Variants in MALRD1 observed in about 807,000 individuals in gnomAD.
MALRD1 encodes the protein MAM and LDL receptor class A domain containing 1, also known as MAM and LDL-receptor class A domain-containing protein 1.
Under a neutral mutation model 242.1 loss-of-function variants are expected in MALRD1, and 247 were observed. The observed-to-expected ratio is 1.02, with a 90% CI of 0.92 to 1.13. The LOEUF is 1.13. Ranked by LOEUF, MALRD1 falls within the 50% of genes most tolerant of loss-of-function variation. MALRD1 has a pLI of 0.00. For missense variants in MALRD1, 2,989 were observed against 2,533.1 expected, an observed-to-expected ratio of 1.18 and a Z score of -3.86; for synonymous variants, 995 against 866.6, an observed-to-expected ratio of 1.15 and a Z score of -2.60.
intron 32 of MALRD1, among the ~76,000 whole-genome samples, chr10:19,562,849 A>G (rs1420624421): frequency 1.3e-5 from 2 of 152,110 alleles, no homozygotes; most frequent in Admixed American, 1.3e-4. Flanking sequence ...TGTGCTCCTC[A>G]TGAGGATCTA....
chr10:19,324,427 C>G (rs975939792), intron 22 of MALRD1, among the ~76,000 whole-genome samples: 1 of 152,034 alleles, frequency 6.6e-6, no homozygotes, highest in East Asian at 1.9e-4. Flanking sequence ...AATATATACA[C>G]TTGGGTAATA....
chr10:19,078,751 G>C (rs527583388), intron 2 of MALRD1, among the ~76,000 whole-genome samples: 44 of 151,798 alleles, frequency 2.9e-4, no homozygotes, highest in Admixed American at 1.4e-3. Flanking sequence ...GGTAGTTTGT[G>C]TCTTTCTGGA....
intron 4 of MALRD1, among the ~76,000 whole-genome samples, chr10:19,101,743 TATATA>T (rs1229027896): frequency 7.3e-6 from 1 of 136,130 alleles, no homozygotes; most frequent in Non-Finnish European, 1.5e-5. Flanking sequence ...TTATATCACA[TATATA>T]ATATATATTA....
intron 22 of MALRD1, among the ~76,000 whole-genome samples, chr10:19,327,086 C>T (rs1009786641): frequency 6.6e-6 from 1 of 152,072 alleles, no homozygotes; most frequent in Non-Finnish European, 1.5e-5. Context: ...TAGATGCTCA[C>T]TCATCTTACC....
intron 12 of MALRD1, among the ~76,000 whole-genome samples, chr10:19,158,024 A>G (rs1292615114): frequency 2.6e-5 from 4 of 152,208 alleles, no homozygotes; most frequent in Non-Finnish European, 5.9e-5. Flanking sequence ...TTCAGCCACT[A>G]GTGGAAAATT....
In MALRD1 at chr10:19,352,261, T is replaced by A. The variant is rs1844418609; in HGVS notation, c.4405T>A (p.Ser1469Thr). The stretch of plus-strand genomic sequence containing the variant: ...AGAAAATTGTCTATCACTCCATGAT[T>A]CCGTGCAAGAAGAACTGGCAGTGCC... The part of the protein sequence containing the change: ...LTENCLSLHD[S>T]VQEELAVPLP... Residue 1469 changes from serine (S) to threonine (T), a missense_variant, in exon 26 of 40, where the codon TCC becomes ACC. Transcript: ENST00000454679. The A allele has an allele frequency of 6.5e-7, 1 of 1,550,220 alleles. No individual in the cohort carries two copies. Among genetic ancestry groups the A allele is most frequent in the Non-Finnish European group, 8.7e-7 (1 of 1,146,860 alleles).
At chr10:19,692,904 G>T (rs1589408909) in intron 38 of MALRD1, among the ~76,000 whole-genome samples, 1 of 111,424 alleles carries the variant, frequency 9.0e-6, no homozygotes, top group East Asian at 3.1e-4. Context: ...TCCCTGGAAT[G>T]CAAGGCTGGT....
intron 26 of MALRD1, among the ~76,000 whole-genome samples, chr10:19,379,312 T>G (rs1056858032): frequency 6.6e-6 from 1 of 152,168 alleles, no homozygotes; most frequent in African/African-American, 2.4e-5. Flanking sequence ...ATATTTCCTC[T>G]TTATTATTTT....
intron 31 of MALRD1, among the ~76,000 whole-genome samples, chr10:19,522,297 T>C (rs914547734): frequency 6.6e-6 from 1 of 152,142 alleles, no homozygotes; most frequent in Non-Finnish European, 1.5e-5. Context: ...ATTGTTTTGG[T>C]ATGATTTGTA....
At chr10:19,580,956 C>T (rs549248421) in intron 33 of MALRD1, among the ~76,000 whole-genome samples, 2 of 152,070 alleles carry the variant, frequency 1.3e-5, no homozygotes, top group East Asian at 3.9e-4. Flanking sequence ...AGGTCATGTT[C>T]CATCTTTCTA....
intron 21 of MALRD1, among the ~76,000 whole-genome samples, chr10:19,306,283 A>G (rs545733826): frequency 1.6e-4 from 22 of 138,616 alleles, no homozygotes; most frequent in Admixed American, 9.3e-4. Flanking sequence ...TATATACCGT[A>G]TATAGTATAT....
chr10:19,523,299 A>C (rs1479724011), intron 31 of MALRD1, among the ~76,000 whole-genome samples: 1 of 152,198 alleles, frequency 6.6e-6, no homozygotes, highest in East Asian at 1.9e-4. Context: ...ATGCATTAAA[A>C]TAATGTGATA....
At chr10:19,623,606 T>C (rs1839506188) in intron 36 of MALRD1, among the ~76,000 whole-genome samples, 1 of 152,152 alleles carries the variant, frequency 6.6e-6, no homozygotes, top group Non-Finnish European at 1.5e-5. Context: ...GCTGTAGGCC[T>C]GAGAACTGGG....
Position 19,238,239 on chromosome 10 carries a change from T to TAA in MALRD1, c.2992-19444_2992-19443dup, listed in dbSNP as rs1554817631. On this transcript the variant is annotated intron_variant, in intron 18 of 39. Coordinates refer to ENST00000454679, the MANE Select transcript of MALRD1 (RefSeq NM_001142308.3). ...TAATATACATAATATATATTATATA[T>TAA]AATATGTAATATACATAATATATAT... is the stretch of plus-strand genomic sequence containing the variant. Among the ~76,000 whole-genome samples the TAA allele has an allele frequency of 3.0e-5, 2 of 67,548 alleles. 1 individual carries two copies. Among genetic ancestry groups the TAA allele is most frequent in the African/African-American group, 1.2e-4 (2 of 16,216 alleles). The allele number at this position is 67,548 out of a possible 152,430, so 44.3% of individuals were successfully genotyped here.
At chr10:19,631,055 G>A (rs1185336019) in intron 36 of MALRD1, among the ~76,000 whole-genome samples, 1 of 152,128 alleles carries the variant, frequency 6.6e-6, no homozygotes, top group Non-Finnish European at 1.5e-5. Flanking sequence ...GCAAACTCAT[G>A]TCATGGAGGT....
At chr10:19,207,783 T>A (rs4307627) in intron 17 of MALRD1, among the ~76,000 whole-genome samples, 111,773 of 152,062 alleles carry the variant, frequency 0.74, 41,322 homozygotes, top group South Asian at 0.83. Flanking sequence ...ATTACAGGAG[T>A]GAGCCACTGC....
chr10:19,603,587 GTTAC>G (rs1263397972), intron 34 of MALRD1, among the ~76,000 whole-genome samples: 1 of 152,122 alleles, frequency 6.6e-6, no homozygotes, highest in East Asian at 1.9e-4. Flanking sequence ...TGCTGTTTTG[GTTAC>G]TATAGCCTTG....
At chr10:19,300,640 G>A (rs887141197) in intron 21 of MALRD1, among the ~76,000 whole-genome samples, 1 of 151,946 alleles carries the variant, frequency 6.6e-6, no homozygotes, top group African/African-American at 2.4e-5. Flanking sequence ...ACAATGCTGG[G>A]ATAACTGGCT....
intron 31 of MALRD1, among the ~76,000 whole-genome samples, chr10:19,523,826 G>C (rs529600806): frequency 3.8e-4 from 58 of 151,962 alleles, no homozygotes; most frequent in Non-Finnish European, 7.6e-4. Flanking sequence ...TGCATACTGC[G>C]GGGGGCGCAT....
Sources: allele counts gnomAD v4.1 joint callset (sites outside exome capture counted in the v4.1 genomes callset), GRCh38; gene constraint gnomAD v4.1.1; transcripts MANE v1.5; gene names NCBI Gene and HGNC (gene_info 2026-07-23, HGNC 2026-07-21).